SKIC2: variants seen among roughly 807,000 people sequenced by gnomAD.
The protein encoded by SKIC2 is superkiller complex protein 2.
the SKIC2 span, chr6:31,967,322 G>A: frequency 1.2e-6 from 2 of 1,613,110 alleles, no homozygotes; most frequent in Admixed American, 3.3e-5. This position sits in a 1 kb window ranked among gnomAD's most constrained non-coding sequence, Gnocchi z 4.9. Context: ...TCAGCAGGAA[G>A]GGTGGTGGTT....
At chr6:31,967,776 C>T in the SKIC2 span, 8 of 1,613,018 alleles carry the variant, frequency 5.0e-6, no homozygotes, top group Non-Finnish European at 6.8e-6. The surrounding 1 kb of genome is among the most constrained non-coding windows in gnomAD (Gnocchi z 4.9). Context: ...AAGCCCTTGT[C>T]CCAGGACCCA....
chr6:31,963,134 G>C, the SKIC2 span: 3 of 1,341,508 alleles, frequency 2.2e-6, no homozygotes, highest in Admixed American at 3.4e-5. The surrounding 1 kb of genome is among the most constrained non-coding windows in gnomAD (Gnocchi z 5.3). Flanking sequence ...GGGGGCTACA[G>C]TACTCCTTGA....
chr6:31,960,993 T>G, the SKIC2 span: 1 of 1,325,252 alleles, frequency 7.5e-7, no homozygotes, highest in Non-Finnish European at 1.1e-6. Context: ...ATGTACACAA[T>G]TTGTTCACCA....
At chr6:31,968,927 G>A in the SKIC2 span, 2 of 1,612,906 alleles carry the variant, frequency 1.2e-6, no homozygotes, top group Non-Finnish European at 8.5e-7. The surrounding 1 kb of genome is among the most constrained non-coding windows in gnomAD (Gnocchi z 6.1). Context: ...TGGCAGGGCG[G>A]GTGGCTTGTG....
At chr6:31,963,424 G>A in the SKIC2 span, 12 of 1,575,986 alleles carry the variant, frequency 7.6e-6, no homozygotes, top group East Asian at 4.5e-5. The surrounding 1 kb of genome is among the most constrained non-coding windows in gnomAD (Gnocchi z 5.3). Context: ...CGGCTGAAGC[G>A]TCGTCAGATC....
the SKIC2 span, chr6:31,963,200 G>A: frequency 1.2e-6 from 1 of 854,128 alleles, no homozygotes. This position sits in a 1 kb window ranked among gnomAD's most constrained non-coding sequence, Gnocchi z 5.3. Context: ...CCTTAGGGGT[G>A]ATGCTGGGGA....
chr6:31,963,996 C>T, the SKIC2 span: 1 of 1,612,498 alleles, frequency 6.2e-7, no homozygotes, highest in East Asian at 2.2e-5. This position sits in a 1 kb window ranked among gnomAD's most constrained non-coding sequence, Gnocchi z 5.3. Context: ...TCTCCCGGGG[C>T]CGCTGTGATG....
At chr6:31,963,531 G>A in the SKIC2 span, 7 of 1,599,186 alleles carry the variant, frequency 4.4e-6, no homozygotes, top group Non-Finnish European at 6.0e-6. The surrounding 1 kb of genome is among the most constrained non-coding windows in gnomAD (Gnocchi z 5.3). Flanking sequence ...TTTGTTGCTG[G>A]ACTCCCGAGG....
At chr6:31,966,102 C>CTT in the SKIC2 span, 36 of 745,710 alleles carry the variant, frequency 4.8e-5, no homozygotes, top group Non-Finnish European at 6.5e-5. The surrounding 1 kb of genome is among the most constrained non-coding windows in gnomAD (Gnocchi z 5.9). Flanking sequence ...TTTCTTCTTC[C>CTT]TTTTTTTTTT....
chr6:31,965,822 A>G, the SKIC2 span: 3 of 1,612,808 alleles, frequency 1.9e-6, no homozygotes, highest in Admixed American at 3.3e-5. This position sits in a 1 kb window ranked among gnomAD's most constrained non-coding sequence, Gnocchi z 5.6. Flanking sequence ...GGGAGTAAAC[A>G]TGCCTGCTCG....
the SKIC2 span, chr6:31,968,423 T>G: frequency 6.2e-7 from 1 of 1,612,934 alleles, no homozygotes; most frequent in Non-Finnish European, 8.5e-7. This position sits in a 1 kb window ranked among gnomAD's most constrained non-coding sequence, Gnocchi z 6.1. Flanking sequence ...CTCGACCCTG[T>G]CAATGACCTG....
At chr6:31,960,365 G>T in the SKIC2 span, 2 of 1,603,704 alleles carry the variant, frequency 1.2e-6, no homozygotes, top group East Asian at 4.5e-5. Flanking sequence ...ATGAGAAACA[G>T]TTGGGGAGAA....
At chr6:31,961,709 C>T in the SKIC2 span, 2 of 1,601,556 alleles carry the variant, frequency 1.2e-6, no homozygotes, top group Non-Finnish European at 1.7e-6. Flanking sequence ...GCTCCTCTAC[C>T]TCTTTCTGGG....
chr6:31,961,759 G>A, the SKIC2 span: 1 of 1,564,846 alleles, frequency 6.4e-7, no homozygotes, highest in Non-Finnish European at 8.7e-7. Context: ...CTATTGGCCA[G>A]AGGTCAGATC....
the SKIC2 span, chr6:31,960,275 GTCCCATCC>G: frequency 6.2e-7 from 1 of 1,613,186 alleles, no homozygotes; most frequent in African/African-American, 1.3e-5. Context: ...GGGAGCCCCA[GTCCCATCC>G]GACCTACAGG....
At chr6:31,968,037 A>T in the SKIC2 span, 2 of 1,613,030 alleles carry the variant, frequency 1.2e-6, no homozygotes. This position sits in a 1 kb window ranked among gnomAD's most constrained non-coding sequence, Gnocchi z 6.1. Flanking sequence ...GTGAATGGGG[A>T]GAAGATCTTG....
the SKIC2 span, chr6:31,961,532 C>G: frequency 6.3e-7 from 1 of 1,587,538 alleles, no homozygotes; most frequent in South Asian, 1.1e-5. Flanking sequence ...TCACTGCTAC[C>G]CCTGACTCTT....
chr6:31,968,309 A>G, the SKIC2 span: 5 of 1,602,090 alleles, frequency 3.1e-6, no homozygotes, highest in South Asian at 1.1e-5. This position sits in a 1 kb window ranked among gnomAD's most constrained non-coding sequence, Gnocchi z 6.1. Context: ...CCAGATCTTA[A>G]GATCTGCTCC....
At chr6:31,963,668 A>G in the SKIC2 span, 1 of 1,555,690 alleles carries the variant, frequency 6.4e-7, no homozygotes, top group Non-Finnish European at 8.7e-7. The surrounding 1 kb of genome is among the most constrained non-coding windows in gnomAD (Gnocchi z 5.3). Flanking sequence ...CAAGAAGGAG[A>G]GAATGAGCAA....
Sources: allele counts gnomAD v4.1 joint callset, GRCh38; gene constraint gnomAD v4.1.1; non-coding constraint Gnocchi (gnomAD v3.1); transcripts MANE v1.5; gene names NCBI Gene and HGNC (gene_info 2026-07-23, HGNC 2026-07-21).